The following FGF2 variants were observed in gnomAD, a reference collection of about 807,000 sequenced individuals.
FGF2 encodes the protein fibroblast growth factor 2.
A neutral mutation model predicts 15.9 loss-of-function variants in FGF2; 13 were observed. The observed-to-expected ratio is 0.82, with a 90% CI of 0.53 to 1.30. The LOEUF (loss-of-function observed/expected upper bound fraction) is 1.30, where lower values mean the gene tolerates loss of function less well. Ranked by LOEUF, FGF2 falls within the 50% of genes most tolerant of loss-of-function variation. FGF2 has a pLI of 0.00. For synonymous variants in FGF2, 90 were observed against 78.4 expected, an observed-to-expected ratio of 1.15 and a Z score of -0.78; for missense variants, 163 against 196.9, an observed-to-expected ratio of 0.83 and a Z score of 1.03.
chr4:122,845,943 C>T (rs1364071378), intron 1 of FGF2, among the ~76,000 whole-genome samples: 1 of 152,212 alleles, frequency 6.6e-6, no homozygotes, highest in Non-Finnish European at 1.5e-5. Context: ...TGACCTATCT[C>T]GGCTTTCAAC....
At chr4:122,855,849 C>T (rs1371100927) in intron 1 of FGF2, among the ~76,000 whole-genome samples, 1 of 152,190 alleles carries the variant, frequency 6.6e-6, no homozygotes, top group Non-Finnish European at 1.5e-5. Flanking sequence ...AAATAATCCT[C>T]TCCCCTCTTC....
At chr4:122,829,910 AC>A (rs955916162) in intron 1 of FGF2, among the ~76,000 whole-genome samples, 2 of 152,030 alleles carry the variant, frequency 1.3e-5, no homozygotes, top group Non-Finnish European at 2.9e-5. Flanking sequence ...CCATGAGGAG[AC>A]CCCCCAAAAC....
At chr4:122,844,647 CT>C (rs367641232) in intron 1 of FGF2, among the ~76,000 whole-genome samples, 33 of 130,274 alleles carry the variant, frequency 2.5e-4, no homozygotes, top group African/African-American at 8.1e-4. Flanking sequence ...TTCTTTCTTT[CT>C]TTTTTTTTGA....
At chr4:122,887,419 C>T (rs146000538) in intron 2 of FGF2, among the ~76,000 whole-genome samples, 5 of 152,318 alleles carry the variant, frequency 3.3e-5, no homozygotes, top group Admixed American at 2.0e-4. Flanking sequence ...CAGTCCCCCC[C>T]ACTTGCTTGT....
intron 1 of FGF2, among the ~76,000 whole-genome samples, chr4:122,829,142 C>G (rs1270497968): frequency 6.6e-6 from 1 of 152,052 alleles, no homozygotes; most frequent in Non-Finnish European, 1.5e-5. Flanking sequence ...TAGAGGTTAG[C>G]CAGTGGACAT....
intron 1 of FGF2, among the ~76,000 whole-genome samples, chr4:122,834,579 T>C (rs764203109): frequency 5.8e-4 from 88 of 152,212 alleles, no homozygotes; most frequent in Non-Finnish European, 1.0e-3. Flanking sequence ...GATAATTCCT[T>C]GGCTTCTATT....
intron 1 of FGF2, among the ~76,000 whole-genome samples, chr4:122,849,398 C>A (rs1726180735): frequency 6.6e-6 from 1 of 151,424 alleles, no homozygotes; most frequent in African/African-American, 2.4e-5. Flanking sequence ...GGGAGTTGAA[C>A]AATGAGAACA....
intron 1 of FGF2, among the ~76,000 whole-genome samples, chr4:122,831,559 T>C (rs968207406): frequency 1.3e-5 from 2 of 152,222 alleles, no homozygotes; most frequent in Non-Finnish European, 2.9e-5. Context: ...GTAATAAATA[T>C]TGGGTGCAGT....
intron 1 of FGF2, among the ~76,000 whole-genome samples, chr4:122,852,588 G>A (rs1267698602): frequency 2.0e-5 from 3 of 152,076 alleles, no homozygotes; most frequent in Non-Finnish European, 2.9e-5. Flanking sequence ...TTAATTCCTC[G>A]CTTTTATGAG....
chr4:122,832,275 G>T (rs993416670), intron 1 of FGF2, among the ~76,000 whole-genome samples: 11 of 151,764 alleles, frequency 7.2e-5, no homozygotes, highest in African/African-American at 2.7e-4. Flanking sequence ...TTTTCTTTTT[G>T]AGACACAGTC....
intron 1 of FGF2, among the ~76,000 whole-genome samples, chr4:122,839,530 G>A (rs1331002808): frequency 6.6e-6 from 1 of 152,152 alleles, no homozygotes; most frequent in African/African-American, 2.4e-5. Context: ...AGCAAGACAC[G>A]TCCGGAAAAG....
chr4:122,850,069 C>G (rs1726197198), intron 1 of FGF2, among the ~76,000 whole-genome samples: 1 of 152,052 alleles, frequency 6.6e-6, no homozygotes, highest in Admixed American at 6.5e-5. Flanking sequence ...TGAGACCAGC[C>G]TGGGCAACAT....
chr4:122,891,021 C>CTTTTTTTTTTTT (rs769084285), intron 2 of FGF2, among the ~76,000 whole-genome samples: 36 of 94,708 alleles, frequency 3.8e-4, no homozygotes, highest in East Asian at 1.8e-3. Context: ...AACAATTTAT[C>CTTTTTTTTTTTT]TTTTTTTTTT....
At chr4:122,840,969 A>G (rs994824242) in intron 1 of FGF2, among the ~76,000 whole-genome samples, 1 of 152,202 alleles carries the variant, frequency 6.6e-6, no homozygotes, top group Admixed American at 6.5e-5. Flanking sequence ...GATCTCTGAA[A>G]AAAACTCCAA....
rs1272369554 is a variant in FGF2, at chr4:122,894,796, ATAG to A, written c.*2404_*2406del. 1 of 152,220 alleles carries A rather than the reference ATAG, an allele frequency of 6.6e-6. No homozygotes were observed. Among genetic ancestry groups the A allele is most frequent in the Non-Finnish European group, 1.5e-5 (1 of 68,048 alleles). 9.4% of individuals were successfully genotyped at this position (152,220 alleles called of 1,614,324 possible). On this transcript the variant is annotated 3_prime_UTR_variant, in exon 3 of 3. Coordinates refer to ENST00000644866, the MANE Select transcript of FGF2 (RefSeq NM_001361665.2). ...TTTGTTATTAAATTTATTATTAAAG[ATAG>A]TAGCACTAGTCTTAAATTTGATATA...
chr4:122,843,788 C>T (rs1446969949), intron 1 of FGF2, among the ~76,000 whole-genome samples: 1 of 152,124 alleles, frequency 6.6e-6, no homozygotes, highest in Non-Finnish European at 1.5e-5. Flanking sequence ...TGTACAGTAG[C>T]ATTATATATG....
chr4:122,834,480 A>T (rs1173251504), intron 1 of FGF2, among the ~76,000 whole-genome samples: 1 of 152,150 alleles, frequency 6.6e-6, no homozygotes, highest in Non-Finnish European at 1.5e-5. Context: ...TTATGAGAGC[A>T]CCAGTAGTCT....
At chr4:122,888,073 A>G (rs183832644) in intron 2 of FGF2, among the ~76,000 whole-genome samples, 1 of 152,334 alleles carries the variant, frequency 6.6e-6, no homozygotes, top group African/African-American at 2.4e-5. Flanking sequence ...CAACACATAC[A>G]AAACTGAATT....
chr4:122,897,398 A>ATGTT lies in FGF2; in HGVS notation c.*5003_*5004insGTTT. ...TCCAGAAGCAGTCATAAACAGAAGA[A>ATGTT]TAGGTGGTATGTTCCTAATGATATT... is the stretch of plus-strand genomic sequence containing the variant. On this transcript the variant is annotated 3_prime_UTR_variant, in exon 3 of 3. Transcript: ENST00000644866. The ATGTT allele has an allele frequency of 1.9e-6, 1 of 530,448 alleles. No individual in the cohort carries two copies. The highest frequency in any genetic ancestry group is 3.4e-6 in the Non-Finnish European group (1 of 296,448). The allele number at this position is 530,448 out of a possible 1,614,324, so 32.9% of individuals were successfully genotyped here. A position where few individuals can be genotyped will look rare whatever the true frequency, so the allele number is the denominator to read the frequency against.
Sources: gnomAD v4.1 joint callset for allele counts (sites outside exome capture counted in the v4.1 genomes callset) on GRCh38, gnomAD v4.1.1 for gene constraint, MANE v1.5 for transcripts, NCBI Gene and HGNC (gene_info 2026-07-23, HGNC 2026-07-21) for gene names.